Variants in CEMIP observed in about 807,000 individuals in gnomAD.
CEMIP encodes the protein cell migration-inducing and hyaluronan-binding protein.
In CEMIP, 105 loss-of-function variants were observed where a neutral mutation model predicts 156.9. That is an observed-to-expected ratio of 0.67 (90% CI 0.57 to 0.79). The LOEUF (loss-of-function observed/expected upper bound fraction) is 0.79. Ranked by LOEUF, CEMIP falls within the 30% of genes least tolerant of loss-of-function variation. CEMIP has a pLI of 0.00. For synonymous variants in CEMIP, 676 were observed against 668.4 expected, an observed-to-expected ratio of 1.01 and a Z score of -0.17; for missense variants, 1,457 against 1,769.4, an observed-to-expected ratio of 0.82 and a Z score of 3.17.
At chr15:80,909,649 A>T (rs1185168735) in intron 14 of CEMIP, 1 of 469,834 alleles carries the variant, frequency 2.1e-6, no homozygotes, top group African/African-American at 2.0e-5. Flanking sequence ...AGACAGGGGG[A>T]TCATGCGAAG....
At chr15:80,925,163 G>C (rs1567103854) in intron 18 of CEMIP, among the ~76,000 whole-genome samples, 1 of 152,238 alleles carries the variant, frequency 6.6e-6, no homozygotes, top group Non-Finnish European at 1.5e-5. Context: ...CCTTTAAAGA[G>C]ACAAGTTGCT....
intron 1 of CEMIP, among the ~76,000 whole-genome samples, chr15:80,796,483 G>T (rs1896227979): frequency 6.6e-6 from 1 of 152,174 alleles, no homozygotes; most frequent in African/African-American, 2.4e-5. Context: ...GGAAATGAAT[G>T]AGCAGACTCA....
At chr15:80,792,196 A>G (rs1172895556) in intron 1 of CEMIP, among the ~76,000 whole-genome samples, 1 of 152,180 alleles carries the variant, frequency 6.6e-6, no homozygotes, top group South Asian at 2.1e-4. Flanking sequence ...AATTCAGATC[A>G]CCAATATCTC....
At chr15:80,907,301 G>A (rs373987906) in intron 13 of CEMIP, among the ~76,000 whole-genome samples, 10 of 152,338 alleles carry the variant, frequency 6.6e-5, no homozygotes, top group African/African-American at 2.2e-4. Context: ...GGTGGCTCCC[G>A]CCTGTAATCC....
intron 1 of CEMIP, among the ~76,000 whole-genome samples, chr15:80,835,717 C>T (rs775910787): frequency 3.3e-5 from 5 of 152,142 alleles, no homozygotes; most frequent in Non-Finnish European, 5.9e-5. Flanking sequence ...TTGGTGGGCA[C>T]CTGGGATTTC....
At chr15:80,808,162 CA>C (rs1379881534) in intron 1 of CEMIP, among the ~76,000 whole-genome samples, 7 of 152,138 alleles carry the variant, frequency 4.6e-5, no homozygotes, top group African/African-American at 1.7e-4. Flanking sequence ...AGCTAAGGCT[CA>C]ATAGGGAGAA....
intron 1 of CEMIP, among the ~76,000 whole-genome samples, chr15:80,836,664 C>T (rs902334551): frequency 2.0e-5 from 3 of 151,938 alleles, no homozygotes; most frequent in Non-Finnish European, 2.9e-5. Context: ...GCCTCCTTAC[C>T]TCCTGGGTTT....
At chr15:80,792,628 T>C (rs1896110103) in intron 1 of CEMIP, among the ~76,000 whole-genome samples, 1 of 152,218 alleles carries the variant, frequency 6.6e-6, no homozygotes, top group South Asian at 2.1e-4. Flanking sequence ...CAATTGTCAA[T>C]GTAGCTGATT....
chr15:80,800,021 A>ATGTGTG (rs56412231), intron 1 of CEMIP, among the ~76,000 whole-genome samples: 22,634 of 124,654 alleles, frequency 0.18, 2,320 homozygotes, highest in East Asian at 0.33. Flanking sequence ...AGCTAATTTT[A>ATGTGTG]TGTGTGTGTG....
chr15:80,829,990 G>GTGTGTA (rs71153552), intron 1 of CEMIP, among the ~76,000 whole-genome samples: 1 of 149,178 alleles, frequency 6.7e-6, no homozygotes, highest in South Asian at 2.1e-4. Context: ...GTGTGTGTGT[G>GTGTGTA]TGTGTGTGTG....
At chr15:80,847,262 T>C (rs547685280) in intron 1 of CEMIP, among the ~76,000 whole-genome samples, 122 of 152,332 alleles carry the variant, frequency 8.0e-4, no homozygotes, top group Non-Finnish European at 1.5e-3. Context: ...TTGGCCAGGC[T>C]GGTTTTGAAC....
Position 80,850,337 on chromosome 15 carries a change from C to T in CEMIP, c.-175-23201C>T, listed in dbSNP as rs149474747. On this transcript the variant is annotated intron_variant, in intron 1 of 29. Coordinates refer to ENST00000394685, the MANE Select transcript of CEMIP (RefSeq NM_001293298.2). ...TGTCGCCTAGGCTGGAGTGCAGTAG[C>T]GCAATCTCAGTTCAATGCAACCTTC... Among the ~76,000 whole-genome samples the T allele has an allele frequency of 3.2e-4, 49 of 152,202 alleles. No homozygotes were observed. In the East Asian group the frequency reaches 4.4e-3, roughly 14 times the overall value.
intron 1 of CEMIP, among the ~76,000 whole-genome samples, chr15:80,802,835 T>G (rs2141606362): frequency 6.6e-6 from 1 of 152,338 alleles, no homozygotes; most frequent in South Asian, 2.1e-4. Context: ...GGCCTGTGTT[T>G]TCTCATTTGT....
intron 23 of CEMIP, among the ~76,000 whole-genome samples, chr15:80,934,307 G>C (rs1901034003): frequency 1.3e-5 from 2 of 152,144 alleles, no homozygotes; most frequent in Admixed American, 1.3e-4. Flanking sequence ...TAAATGAATT[G>C]AAGTTTAAAA....
intron 1 of CEMIP, among the ~76,000 whole-genome samples, chr15:80,830,211 A>G (rs1482293678): frequency 6.6e-6 from 1 of 151,936 alleles, no homozygotes; most frequent in African/African-American, 2.4e-5. Flanking sequence ...CAACCCTCCT[A>G]TTGGTCATTG....
chr15:80,842,194 A>C (rs1444692284), intron 1 of CEMIP: 1 of 406,668 alleles, frequency 2.5e-6, no homozygotes, highest in Non-Finnish European at 4.9e-6. Flanking sequence ...TCTTTTACCT[A>C]TTCTCTTTTA....
chr15:80,791,626 C>T (rs978781454), intron 1 of CEMIP, among the ~76,000 whole-genome samples: 6 of 152,194 alleles, frequency 3.9e-5, no homozygotes, highest in African/African-American at 1.4e-4. Context: ...CCTTGTCTCA[C>T]AATATCCCTT....
chr15:80,824,516 G>A (rs749348276), intron 1 of CEMIP, among the ~76,000 whole-genome samples: 2 of 152,118 alleles, frequency 1.3e-5, no homozygotes, highest in African/African-American at 4.8e-5. Flanking sequence ...AGCATCCTCT[G>A]CTCCAGACCC....
At chr15:80,915,915 T>G (rs1900258936) in intron 14 of CEMIP, among the ~76,000 whole-genome samples, 1 of 152,204 alleles carries the variant, frequency 6.6e-6, no homozygotes, top group South Asian at 2.1e-4. Flanking sequence ...CAAAAAGAAA[T>G]TTTTTAAAAA....
Sources: allele counts gnomAD v4.1 joint callset (sites outside exome capture counted in the v4.1 genomes callset), GRCh38; gene constraint gnomAD v4.1.1; transcripts MANE v1.5; gene names NCBI Gene and HGNC (gene_info 2026-07-23, HGNC 2026-07-21).